ALG5: variants seen among roughly 807,000 people sequenced by gnomAD.
ALG5 encodes dolichyl-phosphate beta-glucosyltransferase.
ALG5 carries 26 observed loss-of-function variants against 51.8 expected under a neutral mutation model. The observed-to-expected ratio is 0.50, with a 90% confidence interval of 0.37 to 0.70. The LOEUF is 0.70. Among genes scored for constraint, ALG5 ranks in the 30% least tolerant of loss-of-function variants. The probability of loss-of-function intolerance (pLI) is 0.00; values close to 1 mark genes in which losing one functional copy is unlikely to be tolerated. For missense variants in ALG5, 311 were observed against 399.3 expected (o/e 0.78, Z 1.88); for synonymous variants, 141 against 136.1 (o/e 1.04, Z -0.25).
intron 7 of ALG5, among the ~76,000 whole-genome samples, 168 bp downstream of exon 7, chr13:36,971,809 G>A (rs2058925210): frequency 6.6e-6 from 1 of 151,864 alleles, no homozygotes; most frequent in East Asian, 1.9e-4. Context: ...ATTCTAAAAT[G>A]TGCCAATCCT....
At chr13:36,953,550 C>G (rs2058827153) in intron 8 of ALG5, among the ~76,000 whole-genome samples, 1 of 152,192 alleles carries the variant, frequency 6.6e-6, no homozygotes, top group Admixed American at 6.5e-5. Context: ...TGCCTTCATC[C>G]ATGAGTCAGT....
rs535589466 is a variant in ALG5, at chr13:36,964,360, A to G, written c.773+1215T>C. The stretch of plus-strand genomic sequence containing the variant: ...ACCTTGTGGGCTACAGCATGGTAGT[A>G]TGGAGAAGGATGGTGTTCTGGATGG... On this transcript the variant is annotated intron_variant, in intron 8 of 9. Transcript: ENST00000239891. Among the ~76,000 whole-genome samples, 106 of 152,274 alleles carry G rather than the reference A, an allele frequency of 7.0e-4. 1 individual carries two copies. The highest frequency in any genetic ancestry group is 2.4e-3 in the African/African-American group (100 of 41,554).
intron 8 of ALG5, among the ~76,000 whole-genome samples, chr13:36,958,347 A>G (rs2058850072): frequency 6.6e-6 from 1 of 152,142 alleles, no homozygotes; most frequent in Non-Finnish European, 1.5e-5. Context: ...ATGCCCCTGC[A>G]CTTCAGGCCA....
chr13:36,955,512 G>C (rs531452799), intron 8 of ALG5, among the ~76,000 whole-genome samples: 27 of 151,672 alleles, frequency 1.8e-4, no homozygotes, highest in African/African-American at 6.0e-4. Context: ...AAGAGTTCTA[G>C]GAAATTACAA....
At chr13:36,970,227 T>A (rs559031390) in intron 7 of ALG5, among the ~76,000 whole-genome samples, 1 of 152,258 alleles carries the variant, frequency 6.6e-6, no homozygotes, top group African/African-American at 2.4e-5. Flanking sequence ...CTATTCTCTA[T>A]GGTTAACAGA....
rs748567001 is a variant in ALG5, at chr13:36,972,043, G to A, written c.562-7C>T. ...ATGCTATAGCCATTTGATTCTGAGG[G>A]AAAAAGCAGAGATAGTTTTTCAATA... On this transcript the variant is annotated splice_region_variant and splice_polypyrimidine_tract_variant and intron_variant, in intron 6 of 9. Coordinates refer to ENST00000239891, the MANE Select transcript of ALG5 (RefSeq NM_013338.5). The A allele has an allele frequency of 1.0e-5, 16 of 1,583,040 alleles. No individual in the cohort carries two copies. Among genetic ancestry groups the A allele is most frequent in the Non-Finnish European group, 1.4e-5 (16 of 1,162,848 alleles).
chr13:36,951,141 C>T (rs910814442), intron 9 of ALG5, among the ~76,000 whole-genome samples: 2 of 152,142 alleles, frequency 1.3e-5, no homozygotes, highest in East Asian at 1.9e-4. Flanking sequence ...ATTCATATTA[C>T]AAGACAACTA....
chr13:36,989,612 T>C (rs778754015), intron 4 of ALG5, 36 bp from the exon 5 acceptor site: 4 of 1,497,964 alleles, frequency 2.7e-6, no homozygotes, highest in Non-Finnish European at 3.7e-6. Context: ...TAAAATTAAT[T>C]TGGATTAAAG....
chr13:36,989,393 A>G (rs2059015829), intron 5 of ALG5, 91 bp downstream of exon 5: 3 of 885,574 alleles, frequency 3.4e-6, no homozygotes, highest in Non-Finnish European at 5.4e-6. Flanking sequence ...AAATGCTGGT[A>G]TTCAAGCAGT....
At chr13:36,961,750 T>C (rs1240404752) in intron 8 of ALG5, among the ~76,000 whole-genome samples, 2 of 152,342 alleles carry the variant, frequency 1.3e-5, no homozygotes, top group Middle Eastern at 3.4e-3. Context: ...AACATACCTA[T>C]ACTCAACTCT....
In ALG5 at chr13:36,999,234, CCA is replaced by C; in HGVS notation, c.65_66del (p.Leu22HisfsTer19). 6.3e-7 allele frequency: 1 copy of C among 1,577,260 alleles called. No homozygotes were observed. The highest frequency in any genetic ancestry group is 8.6e-7 in the Non-Finnish European group (1 of 1,164,528). ...GAALAAAALV[L>X]ISIVAFTTAT... ...GCGCGGGTTCCCATCCCTGTTCTCA[CCA>C]GTACGAGGGCTGCGGCCGCCAGCGC... is the stretch of plus-strand genomic sequence containing the variant. On this transcript the variant is annotated frameshift_variant and splice_region_variant, in exon 1 of 10. Transcript: ENST00000239891. LOFTEE classifies it high-confidence loss of function.
chr13:36,960,488 G>A (rs2058860898), intron 8 of ALG5, among the ~76,000 whole-genome samples: 1 of 151,984 alleles, frequency 6.6e-6, no homozygotes. Flanking sequence ...ATTCATTGAA[G>A]CAAAGTTCAT....
At chr13:36,993,502 C>T in intron 4 of ALG5, 102 bp downstream of exon 4, 1 of 955,332 alleles carries the variant, frequency 1.0e-6, no homozygotes, top group Non-Finnish European at 1.7e-6. Flanking sequence ...GAGTGTTAGG[C>T]ACAGCTTTAG....
At chr13:36,952,081 C>T (rs1426561624) in intron 9 of ALG5, among the ~76,000 whole-genome samples, 4 of 151,926 alleles carry the variant, frequency 2.6e-5, no homozygotes, top group African/African-American at 4.8e-5. Context: ...GCATGGTGCT[C>T]GGCCATAAAA....
intron 8 of ALG5, among the ~76,000 whole-genome samples, chr13:36,961,678 T>A (rs1348497813): frequency 1.3e-5 from 2 of 152,198 alleles, no homozygotes; most frequent in Non-Finnish European, 2.9e-5. Context: ...TAAAATTTTT[T>A]AATCTATTTT....
At chr13:36,990,519 C>A (rs1593684589) in intron 4 of ALG5, among the ~76,000 whole-genome samples, 1 of 152,224 alleles carries the variant, frequency 6.6e-6, no homozygotes, top group Non-Finnish European at 1.5e-5. Flanking sequence ...TAATGGGAAA[C>A]CCCTGGCCAT....
intron 6 of ALG5, among the ~76,000 whole-genome samples, chr13:36,982,844 T>C (rs1369666088): frequency 6.6e-6 from 1 of 152,204 alleles, no homozygotes; most frequent in Admixed American, 6.5e-5. Context: ...ACTTACTAAA[T>C]TTAATTCAAA....
chr13:36,950,706 T>C (rs1006030463), intron 9 of ALG5, among the ~76,000 whole-genome samples: 2 of 152,002 alleles, frequency 1.3e-5, no homozygotes, highest in African/African-American at 4.8e-5. Context: ...TACCTCAGCC[T>C]CCCCAGTAGC....
At chr13:36,973,951 T>C (rs1015531315) in intron 6 of ALG5, among the ~76,000 whole-genome samples, 1 of 152,224 alleles carries the variant, frequency 6.6e-6, no homozygotes, top group African/African-American at 2.4e-5. Context: ...CAAATATACA[T>C]ATAACCTGAC....
Sources: allele counts gnomAD v4.1 joint callset (sites outside exome capture counted in the v4.1 genomes callset), GRCh38; gene constraint gnomAD v4.1.1; transcripts MANE v1.5; gene names NCBI Gene and HGNC (gene_info 2026-07-23, HGNC 2026-07-21).